The following NBAS variants were observed in gnomAD, a reference collection of about 807,000 sequenced individuals.
The protein encoded by NBAS is NBAS subunit of NRZ tethering complex, also known as NAG/BC035112 fusion.
NBAS carries 219 observed loss-of-function variants against 302.5 expected under a neutral mutation model. The ratio of observed to expected loss-of-function variants is 0.72; its 90% CI spans 0.65 to 0.81. NBAS has a LOEUF of 0.81. Ranked by LOEUF, NBAS falls within the 30% of genes least tolerant of loss-of-function variation. NBAS has a pLI of 0.00. For missense variants in NBAS, 2,932 were observed against 2,841.6 expected (o/e 1.03, Z -0.72); for synonymous variants, 1,118 against 1,021.6 (o/e 1.09, Z -1.80).
chr2:15,292,280 C>T (rs372413277), intron 41 of NBAS, among the ~76,000 whole-genome samples: 45 of 152,338 alleles, frequency 3.0e-4, no homozygotes, highest in Middle Eastern at 3.4e-3. Context: ...CCACCACACC[C>T]ATCCAAAAAT....
At chr2:14,932,818 G>T in the NBAS span, among the ~76,000 whole-genome samples, 1 of 152,162 alleles carries the variant, frequency 6.6e-6, no homozygotes, top group Non-Finnish European at 1.5e-5. Context: ...GTCTTTTGAA[G>T]CCCTAAAAAT....
At chr2:15,381,551 A>C (rs1451873018) in intron 29 of NBAS, among the ~76,000 whole-genome samples, 2 of 152,236 alleles carry the variant, frequency 1.3e-5, no homozygotes, top group Admixed American at 6.5e-5. Flanking sequence ...AAACTAACTC[A>C]AATGTAATAT....
the NBAS span, among the ~76,000 whole-genome samples, chr2:14,877,562 T>C: frequency 1.3e-5 from 2 of 152,322 alleles, no homozygotes; most frequent in African/African-American, 4.8e-5. Context: ...TCAAGCAACA[T>C]GGGTGCACCA....
chr2:14,803,935 C>A, the NBAS span, among the ~76,000 whole-genome samples: 2 of 152,298 alleles, frequency 1.3e-5, no homozygotes, highest in African/African-American at 4.8e-5. Context: ...CAGATGTGAG[C>A]CACCGTGCCC....
At chr2:15,476,835 C>T (rs1477224635) in intron 13 of NBAS, among the ~76,000 whole-genome samples, 2 of 152,136 alleles carry the variant, frequency 1.3e-5, no homozygotes, top group African/African-American at 2.4e-5. Context: ...TTATACAAAA[C>T]ATATGATGTG....
intron 25 of NBAS, among the ~76,000 whole-genome samples, chr2:15,406,103 T>TAAAAAAAAAAAAAA (rs71400653): frequency 1.2e-4 from 14 of 114,954 alleles, no homozygotes; most frequent in Non-Finnish European, 1.9e-4. Flanking sequence ...CAATAACATG[T>TAAAAAAAAAAAAAA]AAAAAAAAAA....
the NBAS span, among the ~76,000 whole-genome samples, chr2:14,897,613 C>CTT: frequency 1.4e-5 from 2 of 141,624 alleles, no homozygotes; most frequent in African/African-American, 2.6e-5. Context: ...CTACATTTGG[C>CTT]TTTTTTTTTT....
At chr2:14,795,386 A>G in the NBAS span, among the ~76,000 whole-genome samples, 4 of 151,954 alleles carry the variant, frequency 2.6e-5, no homozygotes, top group African/African-American at 9.7e-5. Context: ...TGCTACCTAT[A>G]TGCCTTCTTT....
the NBAS span, among the ~76,000 whole-genome samples, chr2:15,034,240 G>GAAAGAAA: frequency 1.1e-4 from 9 of 80,660 alleles, no homozygotes; most frequent in African/African-American, 4.3e-4. Flanking sequence ...AAGAAGGAAA[G>GAAAGAAA]AAAGAAAGAA....
At chr2:15,036,621 G>C in the NBAS span, among the ~76,000 whole-genome samples, 80 of 152,296 alleles carry the variant, frequency 5.3e-4, no homozygotes, top group African/African-American at 1.8e-3. Flanking sequence ...CCTCGTTCCA[G>C]ATATAACTGG....
intron 6 of NBAS, among the ~76,000 whole-genome samples, chr2:15,549,542 G>A (rs1664275014): frequency 1.3e-5 from 2 of 151,056 alleles, no homozygotes; most frequent in African/African-American, 2.4e-5. Flanking sequence ...GCTGGGCAAC[G>A]TGGCAAACCC....
chr2:15,341,935 A>G (rs1672871508), intron 35 of NBAS, among the ~76,000 whole-genome samples: 1 of 152,212 alleles, frequency 6.6e-6, no homozygotes, highest in Non-Finnish European at 1.5e-5. Context: ...CACTGATGTC[A>G]TGATCACTGT....
chr2:15,320,963 C>T (rs1414034121), intron 38 of NBAS, among the ~76,000 whole-genome samples: 2 of 152,286 alleles, frequency 1.3e-5, no homozygotes, highest in East Asian at 3.9e-4. Flanking sequence ...AAGAACAAAG[C>T]TGGAAGCATT....
the NBAS span, among the ~76,000 whole-genome samples, chr2:15,002,467 C>A: frequency 2.0e-5 from 3 of 152,162 alleles, no homozygotes; most frequent in Non-Finnish European, 4.4e-5. Flanking sequence ...GCCCAGCTGG[C>A]TTCACCCAGT....
At chr2:15,090,096 CT>C in the NBAS span, among the ~76,000 whole-genome samples, 1 of 152,164 alleles carries the variant, frequency 6.6e-6, no homozygotes, top group Non-Finnish European at 1.5e-5. Flanking sequence ...AGATAGGACT[CT>C]GAATTGTTCC....
At chr2:15,156,026 G>A in the NBAS span, among the ~76,000 whole-genome samples, 1,043 of 152,262 alleles carry the variant, frequency 6.9e-3, 12 homozygotes, top group African/African-American at 0.023. Flanking sequence ...TCATAGTGGT[G>A]GGTTTCATTC....
chr2:15,004,457 C>A, the NBAS span, among the ~76,000 whole-genome samples: 1 of 152,306 alleles, frequency 6.6e-6, no homozygotes, highest in Non-Finnish European at 1.5e-5. Flanking sequence ...TTCCCCCAAA[C>A]TGGCATGTGA....
intron 10 of NBAS, among the ~76,000 whole-genome samples, chr2:15,509,740 TTTGA>T (rs1662050582): frequency 6.6e-6 from 1 of 152,218 alleles, no homozygotes; most frequent in Non-Finnish European, 1.5e-5. Flanking sequence ...ACATATCATG[TTTGA>T]TTATGTTGTG....
chr2:15,343,469 C>A (rs916406658), intron 35 of NBAS, among the ~76,000 whole-genome samples: 1 of 152,020 alleles, frequency 6.6e-6, no homozygotes, highest in African/African-American at 2.4e-5. Flanking sequence ...AAAAATTCAG[C>A]CCAAATAAAA....
Sources: gnomAD v4.1 joint callset for allele counts (sites outside exome capture counted in the v4.1 genomes callset) on GRCh38, gnomAD v4.1.1 for gene constraint, MANE v1.5 for transcripts, NCBI Gene and HGNC (gene_info 2026-07-23, HGNC 2026-07-21) for gene names.